Variants in PMPCB observed in about 807,000 individuals in gnomAD.
PMPCB encodes the protein peptidase, mitochondrial processing subunit beta.
A neutral mutation model predicts 61.5 loss-of-function variants in PMPCB; 46 were observed. That is an observed-to-expected ratio of 0.75 (90% confidence interval 0.59 to 0.96). PMPCB has a LOEUF of 0.96. Ranked by LOEUF, PMPCB falls within the 40% of genes least tolerant of loss-of-function variation. PMPCB has a pLI of 0.00. For missense variants in PMPCB, 590 were observed against 602.4 expected, an observed-to-expected ratio of 0.98 and a Z score of 0.22; for synonymous variants, 191 against 201.6, an observed-to-expected ratio of 0.95 and a Z score of 0.44.
In PMPCB at chr7:103,299,792, A is replaced by G. The variant is rs190331320; in HGVS notation, c.327+263A>G. 1.4e-4 allele frequency among the ~76,000 whole-genome samples: 22 copies of G among 152,060 alleles called. 2 individuals are homozygous for G. The East Asian group carries it at 4.2e-3, about 29-fold the overall frequency. Reference sequence around the variant, plus strand: ...TTTTTTTTATTTAATTTTTTTTGAGATAGGATCTGGCTCTGTTGCCTAGGC... The same window carrying G: ...TTTTTTTTATTTAATTTTTTTTGAGGTAGGATCTGGCTCTGTTGCCTAGGC... On this transcript the variant is annotated intron_variant, in intron 3 of 12. Transcript: ENST00000249269.
rs755879927 is a variant in PMPCB at position 103,312,151 on chromosome 7, T to A, written c.1405+20T>A. 6.2e-7 allele frequency: 1 copy of A among 1,614,056 alleles called. No individual in the cohort carries two copies. The highest frequency in any genetic ancestry group is 1.7e-5 in the Admixed American group (1 of 60,014). On this transcript the variant is annotated intron_variant, in intron 12 of 12. Transcript: ENST00000249269. ...CTGTTGGTAAGCCTGGCTTCTTTTC[T>A]TCTATGCAAAAAGTTGGCCAAGTAC...
chr7:103,321,822 T>C (rs1818435785), intron 12 of PMPCB: 2 of 1,283,422 alleles, frequency 1.6e-6, no homozygotes, highest in Admixed American at 4.3e-5. Flanking sequence ...CACTCCAGCC[T>C]GGGCGACAGA....
intron 12 of PMPCB, among the ~76,000 whole-genome samples, chr7:103,320,602 T>C (rs1586076203): frequency 6.6e-6 from 1 of 150,634 alleles, no homozygotes; most frequent in East Asian, 2.0e-4. Flanking sequence ...CTACTAAAAA[T>C]CCAAAAAATT....
the PMPCB span, among the ~76,000 whole-genome samples, chr7:103,343,148 C>T: frequency 2.0e-5 from 3 of 151,878 alleles, no homozygotes; most frequent in Non-Finnish European, 4.4e-5. Flanking sequence ...TATAGGCGCC[C>T]GCCACCACGC....
chr7:103,301,246 A>G (rs1413859766), intron 4 of PMPCB, among the ~76,000 whole-genome samples: 2 of 152,226 alleles, frequency 1.3e-5, no homozygotes, highest in African/African-American at 4.8e-5. Context: ...TACCAGATTC[A>G]TTTGCTTTGT....
In PMPCB at chr7:103,310,493, AAGTAATTTAAATTTTGCCTT is replaced by A. The variant is rs768231552; in HGVS notation, c.1154+19_1154+38del. ...AAAGAATGGTGAGAAAAATAGCTTT[AAGTAATTTAAATTTTGCCTT>A]TAATTCGTTTTAAACTAGTTTTTTA... On this transcript the variant is annotated intron_variant, in intron 9 of 12. Transcript: ENST00000249269. The A allele has an allele frequency of 6.4e-7, 1 of 1,570,502 alleles. No homozygotes were observed. Among genetic ancestry groups the A allele is most frequent in the South Asian group, 1.2e-5 (1 of 83,322 alleles).
At position 103,314,041 on chromosome 7, in the gene PMPCB, A is replaced by T; in HGVS notation, c.*1770A>T. ...AAAGAAGGAAAAACAAAACAAAACA[A>T]AACAAAACCACCACCTATTCAAAAC... On this transcript the variant is annotated 3_prime_UTR_variant, in exon 13 of 13. Coordinates refer to ENST00000249269, the MANE Select transcript of PMPCB (RefSeq NM_004279.3). The T allele has an allele frequency of 9.1e-6, 9 of 985,452 alleles. No homozygotes were observed. The highest frequency in any genetic ancestry group is 1.1e-5 in the Non-Finnish European group (9 of 829,942). 61.0% of individuals were successfully genotyped at this position (985,452 alleles called of 1,614,324 possible).
the PMPCB span, chr7:103,344,588 C>T: frequency 6.2e-7 from 1 of 1,613,144 alleles, no homozygotes; most frequent in Non-Finnish European, 8.5e-7. Flanking sequence ...GATGGCGGTG[C>T]CCCGGCCGTC....
At chr7:103,331,698 T>C (rs1818979363), downstream of PMPCB, among the ~76,000 whole-genome samples, 1 of 152,238 alleles carries the variant, frequency 6.6e-6, no homozygotes, top group Non-Finnish European at 1.5e-5. Context: ...CATTCTTTTT[T>C]ATGGCTGAGT....
At chr7:103,340,039 T>C in the PMPCB span, among the ~76,000 whole-genome samples, 1 of 152,162 alleles carries the variant, frequency 6.6e-6, no homozygotes, top group Non-Finnish European at 1.5e-5. Flanking sequence ...GGTTTCACCA[T>C]GTTGGTCAGG....
rs973298858 is a variant in PMPCB, at chr7:103,298,558, C to A, written c.100-10C>A. Reference sequence around the variant, plus strand: ...TTGCTTTGTCTCTTCCACTTCCTACCCCCAACCAGTCATTATATTTTGGAG... The same window carrying A: ...TTGCTTTGTCTCTTCCACTTCCTACACCCAACCAGTCATTATATTTTGGAG... On this transcript the variant is annotated splice_polypyrimidine_tract_variant and intron_variant, in intron 1 of 12. Coordinates refer to ENST00000249269, the MANE Select transcript of PMPCB (RefSeq NM_004279.3). 5.6e-6 allele frequency: 9 copies of A among 1,613,020 alleles called. No individual in the cohort carries two copies. Among genetic ancestry groups the A allele is most frequent in the Non-Finnish European group, 7.6e-6 (9 of 1,179,402 alleles).
exon 13 of PMPCB, chr7:103,329,458 C>G (rs1818876280): frequency 6.6e-6 from 1 of 152,262 alleles, no homozygotes; most frequent in Non-Finnish European, 1.5e-5. Context: ...TTTGTTAACA[C>G]TTATGTTTCA....
rs1192746064 is a variant in PMPCB, at chr7:103,312,483, A to T, written c.*212A>T. On this transcript the variant is annotated 3_prime_UTR_variant, in exon 13 of 13. Coordinates refer to ENST00000249269, the MANE Select transcript of PMPCB (RefSeq NM_004279.3). ...TATGTTGGAAGCAGCATACTTTCAA[A>T]TTATTACCATGAGTATAATTTTAAG... 2 of 1,560,848 alleles carry T rather than the reference A, an allele frequency of 1.3e-6. No individual in the cohort carries two copies. Among genetic ancestry groups the T allele is most frequent in the Admixed American group, 3.9e-5 (2 of 51,312 alleles).
At chr7:103,336,549 T>C in the PMPCB span, 1 of 152,214 alleles carries the variant, frequency 6.6e-6, no homozygotes, top group Non-Finnish European at 1.5e-5. Context: ...TTTCTCCACG[T>C]TGGCCAGGCT....
chr7:103,303,908 G>A lies in PMPCB; in HGVS notation c.524G>A (p.Arg175His), dbSNP rs200188353. The A allele has an allele frequency of 4.1e-5, 66 of 1,613,814 alleles. No homozygotes were observed. Among genetic ancestry groups the A allele is most frequent in the African/African-American group, 6.7e-5 (5 of 75,042 alleles). Reference sequence around the variant, plus strand: ...GGAGAAGCAGAGATTGAACGTGAGCGTGGAGTAATCCTTAGAGAGATGCAG... The same window carrying A: ...GGAGAAGCAGAGATTGAACGTGAGCATGGAGTAATCCTTAGAGAGATGCAG... ...TLGEAEIERERGVILREMQEV... is the reference protein window; with the variant it reads ...TLGEAEIEREHGVILREMQEV... Residue 175 changes from arginine (R) to histidine (H), a missense_variant, in exon 5 of 13, where the codon CGT (arginine) becomes CAT (histidine). Coordinates refer to ENST00000249269, the MANE Select transcript of PMPCB (RefSeq NM_004279.3).
chr7:103,344,664 C>A, the PMPCB span: 1 of 1,598,666 alleles, frequency 6.3e-7, no homozygotes, highest in Non-Finnish European at 8.5e-7. Flanking sequence ...CGGCTCACGT[C>A]CCGGGCGGAG....
At chr7:103,340,711 AGC>A in the PMPCB span, among the ~76,000 whole-genome samples, 1 of 152,238 alleles carries the variant, frequency 6.6e-6, no homozygotes, top group Non-Finnish European at 1.5e-5. Context: ...TACCTACTAA[AGC>A]ATTATCTATT....
chr7:103,340,318 A>G, the PMPCB span, among the ~76,000 whole-genome samples: 5 of 151,924 alleles, frequency 3.3e-5, no homozygotes, highest in African/African-American at 9.7e-5. Flanking sequence ...ATGCTCCCCA[A>G]TGTTGTCTTT....
chr7:103,323,041 TG>T (rs1818506153), intron 12 of PMPCB, among the ~76,000 whole-genome samples: 1 of 152,122 alleles, frequency 6.6e-6, no homozygotes, highest in Non-Finnish European at 1.5e-5. Flanking sequence ...GTGAGTCTCC[TG>T]CCTCAGCCTC....
Sources: gnomAD v4.1 joint callset for allele counts (sites outside exome capture counted in the v4.1 genomes callset) on GRCh38, gnomAD v4.1.1 for gene constraint, MANE v1.5 for transcripts, NCBI Gene and HGNC (gene_info 2026-07-23, HGNC 2026-07-21) for gene names.